The following BCL2 variants were observed in gnomAD, a reference collection of about 807,000 sequenced individuals.
BCL2 encodes the protein apoptosis regulator Bcl-2.
BCL2 carries 1 observed loss-of-function variant against 14.2 expected under a neutral mutation model. That is an observed-to-expected ratio of 0.07 (90% CI 0.02 to 0.33). BCL2 has a LOEUF of 0.33. Ranked by LOEUF, BCL2 falls within the 10% of genes least tolerant of loss-of-function variation. The pLI, the probability that BCL2 is intolerant of heterozygous loss-of-function variation, is 0.99. For missense variants in BCL2, 247 were observed against 305.9 expected, an observed-to-expected ratio of 0.81 and a Z score of 1.44; for synonymous variants, 151 against 137.2, an observed-to-expected ratio of 1.10 and a Z score of -0.70.
At chr18:63,185,189 C>T (rs75037462) in intron 2 of BCL2, among the ~76,000 whole-genome samples, 2,204 of 152,288 alleles carry the variant, frequency 0.014, 49 homozygotes, top group African/African-American at 0.05. Flanking sequence ...AATGAAAATA[C>T]AGCCCACACT....
intron 2 of BCL2, among the ~76,000 whole-genome samples, chr18:63,311,939 C>G (rs1192472335): frequency 6.6e-6 from 1 of 152,178 alleles, no homozygotes; most frequent in Non-Finnish European, 1.5e-5. Flanking sequence ...TTATTGAAGT[C>G]TCAGGTATAA....
At chr18:63,299,292 C>A (rs1421867800) in intron 2 of BCL2, among the ~76,000 whole-genome samples, 2 of 152,188 alleles carry the variant, frequency 1.3e-5, no homozygotes, top group Non-Finnish European at 2.9e-5. Context: ...TATGTGCTTG[C>A]CTTGCGCTAA....
chr18:63,296,283 C>A (rs979212573), intron 2 of BCL2, among the ~76,000 whole-genome samples: 3 of 152,130 alleles, frequency 2.0e-5, no homozygotes, highest in African/African-American at 7.2e-5. Flanking sequence ...TCCAGCCTGG[C>A]AAGAGTTAGA....
intron 2 of BCL2, among the ~76,000 whole-genome samples, chr18:63,226,963 A>C (rs926678940): frequency 6.6e-6 from 1 of 152,206 alleles, no homozygotes; most frequent in African/African-American, 2.4e-5. Flanking sequence ...GACTAGGACA[A>C]AATTTTTCAG....
chr18:63,142,425 A>G (rs1914390039), intron 2 of BCL2, among the ~76,000 whole-genome samples: 1 of 152,250 alleles, frequency 6.6e-6, no homozygotes, highest in Non-Finnish European at 1.5e-5. Context: ...CCGCAGGCCC[A>G]GACATCTGTC....
At chr18:63,233,700 C>T (rs978632979) in intron 2 of BCL2, among the ~76,000 whole-genome samples, 2 of 152,098 alleles carry the variant, frequency 1.3e-5, no homozygotes, top group Admixed American at 6.5e-5. Context: ...TAACAGGCCA[C>T]GGACCTGTAC....
At chr18:63,187,920 C>T (rs1915627508) in intron 2 of BCL2, among the ~76,000 whole-genome samples, 2 of 152,130 alleles carry the variant, frequency 1.3e-5, no homozygotes, top group Admixed American at 6.5e-5. Context: ...GAACCAGGTC[C>T]AGCTCTGAAA....
At chr18:63,158,919 C>A (rs1348651299) in intron 2 of BCL2, among the ~76,000 whole-genome samples, 1 of 152,116 alleles carries the variant, frequency 6.6e-6, no homozygotes, top group Non-Finnish European at 1.5e-5. Flanking sequence ...GGCTGTTTTT[C>A]CAAAGCAGTG....
intron 2 of BCL2, chr18:63,302,764 T>G: frequency 1.0e-6 from 1 of 985,402 alleles, no homozygotes; most frequent in African/African-American, 1.7e-5. Flanking sequence ...CTTGTCAGAA[T>G]TTCGCGTTTA....
At chr18:63,270,891 C>T (rs1911986636) in intron 2 of BCL2, among the ~76,000 whole-genome samples, 3 of 151,960 alleles carry the variant, frequency 2.0e-5, no homozygotes, top group Admixed American at 1.3e-4. Flanking sequence ...GATCTCAGCT[C>T]ATTTTGACCT....
At chr18:63,207,090 AG>A (rs1909857894) in intron 2 of BCL2, among the ~76,000 whole-genome samples, 1 of 152,224 alleles carries the variant, frequency 6.6e-6, no homozygotes, top group Non-Finnish European at 1.5e-5. Flanking sequence ...AAATAGGACT[AG>A]GAATACAGTT....
At chr18:63,274,828 G>A (rs62100221) in intron 2 of BCL2, among the ~76,000 whole-genome samples, 4 of 152,014 alleles carry the variant, frequency 2.6e-5, no homozygotes, top group Non-Finnish European at 4.4e-5. Flanking sequence ...CCAAGTATTC[G>A]GTGACCTGAT....
intron 2 of BCL2, among the ~76,000 whole-genome samples, chr18:63,256,473 T>G (rs1165229457): frequency 6.6e-6 from 1 of 152,188 alleles, no homozygotes; most frequent in Non-Finnish European, 1.5e-5. Flanking sequence ...CGCCTTGACC[T>G]CCCAAAGTGC....
At chr18:63,245,335 T>C (rs1911123886) in intron 2 of BCL2, among the ~76,000 whole-genome samples, 1 of 152,228 alleles carries the variant, frequency 6.6e-6, no homozygotes. Context: ...GGTCTTCATA[T>C]AAGTCAGACC....
At chr18:63,220,474 T>C (rs1910359485) in intron 2 of BCL2, among the ~76,000 whole-genome samples, 1 of 152,166 alleles carries the variant, frequency 6.6e-6, no homozygotes, top group Non-Finnish European at 1.5e-5. Context: ...AGCAGAGAAA[T>C]GGGGCAGAAT....
intron 2 of BCL2, among the ~76,000 whole-genome samples, chr18:63,199,275 C>T (rs1052021477): frequency 4.7e-5 from 7 of 149,898 alleles, no homozygotes; most frequent in African/African-American, 1.7e-4. Flanking sequence ...ACACACAACA[C>T]ACACAGACAC....
intron 2 of BCL2, among the ~76,000 whole-genome samples, chr18:63,283,247 C>G (rs1393586338): frequency 6.6e-6 from 1 of 152,184 alleles, no homozygotes; most frequent in Non-Finnish European, 1.5e-5. Flanking sequence ...ATGTCATTTT[C>G]CGAGTTCTGA....
chr18:63,159,350 T>G (rs879190370), intron 2 of BCL2, among the ~76,000 whole-genome samples: 2 of 152,240 alleles, frequency 1.3e-5, no homozygotes, highest in African/African-American at 2.4e-5. Context: ...ATTAACTCTG[T>G]TTTCTTAATT....
At chr18:63,184,747 A>C (rs1223262179) in intron 2 of BCL2, among the ~76,000 whole-genome samples, 1 of 152,254 alleles carries the variant, frequency 6.6e-6, no homozygotes, top group Non-Finnish European at 1.5e-5. Flanking sequence ...GAATTCAGCA[A>C]GTAATGCCAT....
Sources: gnomAD v4.1 joint callset for allele counts (sites outside exome capture counted in the v4.1 genomes callset) on GRCh38, gnomAD v4.1.1 for gene constraint, MANE v1.5 for transcripts, NCBI Gene and HGNC (gene_info 2026-07-23, HGNC 2026-07-21) for gene names.